Variants in GREB1 observed in about 807,000 individuals in gnomAD.
GREB1 encodes the protein protein GREB1.
In GREB1, 106 loss-of-function variants were observed where a neutral mutation model predicts 200.7. That is an observed-to-expected ratio of 0.53 (90% CI 0.45 to 0.62). The LOEUF (loss-of-function observed/expected upper bound fraction) is 0.62, where lower values mean the gene tolerates loss of function less well. GREB1 is among the 20% of genes least tolerant of loss of function. The probability of loss-of-function intolerance (pLI) is 0.00; values close to 1 mark genes in which losing one functional copy is unlikely to be tolerated. For missense variants in GREB1, 2,243 were observed against 2,556.8 expected (o/e 0.88, Z 2.65); for synonymous variants, 1,132 against 1,092.4 (o/e 1.04, Z -0.72).
chr2:11,609,371 C>T (rs1018740897), intron 17 of GREB1, among the ~76,000 whole-genome samples: 3 of 152,092 alleles, frequency 2.0e-5, no homozygotes, highest in South Asian at 2.1e-4. Context: ...TGAGTTCAAG[C>T]GATTCTCCTG....
At chr2:11,575,503 A>G (rs993776807) in intron 4 of GREB1, among the ~76,000 whole-genome samples, 3 of 152,152 alleles carry the variant, frequency 2.0e-5, no homozygotes, top group African/African-American at 7.2e-5. Context: ...CTCACAGCTG[A>G]TGGAAGCCTC....
chr2:11,562,703 C>T, intron 3 of GREB1, 121 bp downstream of exon 3: 2 of 1,233,920 alleles, frequency 1.6e-6, no homozygotes, highest in Non-Finnish European at 2.2e-6. Context: ...TTCCTCTTTG[C>T]TTTCCCTGAG....
At chr2:11,634,004 T>G in intron 28 of GREB1, 127 bp from the exon 29 acceptor site, 1 of 843,230 alleles carries the variant, frequency 1.2e-6, no homozygotes, top group Non-Finnish European at 2.0e-6. Context: ...CTGGGGGGAC[T>G]GTGCGGGGCA....
intron 10 of GREB1, 61 bp from the exon 11 acceptor site, chr2:11,592,715 C>T: frequency 1.8e-6 from 2 of 1,126,706 alleles, no homozygotes; most frequent in Non-Finnish European, 2.4e-6. Flanking sequence ...ATCACTGCAC[C>T]CGTGCGTCCC....
At chr2:11,592,023 G>A (rs1558599136) in intron 10 of GREB1, 15 of 982,580 alleles carry the variant, frequency 1.5e-5, no homozygotes, top group Non-Finnish European at 1.8e-5. Context: ...GTAGGAGAAA[G>A]CCTATATTCC....
At chr2:11,603,998 G>C (rs1182295045) in intron 17 of GREB1, among the ~76,000 whole-genome samples, 1 of 152,180 alleles carries the variant, frequency 6.6e-6, no homozygotes, top group Non-Finnish European at 1.5e-5. Context: ...AACCCTGCTT[G>C]CTTGGCTCCA....
chr2:11,627,100 A>G lies in GREB1; in HGVS notation c.4445A>G (p.Tyr1482Cys), dbSNP rs1327638441. The part of the protein sequence containing the change: ...CHQYMGFHPR[Y>C]QLYESTLHAF... ...CAGTACATGGGCTTCCACCCCCGCTACCAGGTAGGCCCCAGCAGTTCCCCA... is the reference window on the plus strand; with the variant it reads ...CAGTACATGGGCTTCCACCCCCGCTGCCAGGTAGGCCCCAGCAGTTCCCCA... The change falls in exon 25 of 33, where the codon TAC becomes TGC. Residue 1482 changes from tyrosine (Y) to cysteine (C), a missense_variant. By Grantham distance (194) the Tyr-to-Cys change is radical. This residue lies in a region of GREB1 where 587 missense variants were observed against 553.1 expected (regional missense o/e 1.06). Transcript: ENST00000381486. The G allele has an allele frequency of 6.3e-7, 1 of 1,593,730 alleles. No individual in the cohort carries two copies. Among genetic ancestry groups the G allele is most frequent in the Admixed American group, 1.7e-5 (1 of 58,060 alleles).
chr2:11,538,967 C>CT (rs1674507974), intron 1 of GREB1, among the ~76,000 whole-genome samples: 2 of 95,388 alleles, frequency 2.1e-5, no homozygotes, highest in African/African-American at 7.6e-5. Flanking sequence ...CCCTCCTCTC[C>CT]CCTCCCTTCC....
Position 11,548,581 on chromosome 2 carries a change from A to G in GREB1, c.-161-7873A>G, listed in dbSNP as rs1236211702. Among the ~76,000 whole-genome samples the G allele has an allele frequency of 3.3e-5, 5 of 152,110 alleles. No individual in the cohort carries two copies. The highest frequency in any genetic ancestry group is 9.7e-5 in the African/African-American group (4 of 41,398). ...TGATAGAACTTGTAAACTCCTTTCA[A>G]TATTATTGAACACATCAGATAATTA... On this transcript the variant is annotated intron_variant, in intron 1 of 32. Transcript: ENST00000381486. The surrounding 1 kb of genome is among the most constrained non-coding windows in gnomAD (Gnocchi z 5.1).
At chr2:11,551,732 C>A (rs1269372494) in intron 1 of GREB1, among the ~76,000 whole-genome samples, 1 of 152,150 alleles carries the variant, frequency 6.6e-6, no homozygotes, top group Non-Finnish European at 1.5e-5. Flanking sequence ...GGATTCAGCG[C>A]TCCCACCGCC....
chr2:11,539,290 A>G (rs1572619471), intron 1 of GREB1, among the ~76,000 whole-genome samples: 1 of 151,384 alleles, frequency 6.6e-6, no homozygotes, highest in African/African-American at 2.4e-5. Context: ...GGCTCAAGCA[A>G]TCCTCCCATC....
intron 15 of GREB1, among the ~76,000 whole-genome samples, chr2:11,600,190 T>C (rs1297247978): frequency 6.6e-6 from 1 of 152,152 alleles, no homozygotes; most frequent in Non-Finnish European, 1.5e-5. Context: ...TGAATATTCA[T>C]TTTGGGAATA....
intron 1 of GREB1, among the ~76,000 whole-genome samples, chr2:11,551,777 G>A (rs1239737263): frequency 5.9e-5 from 9 of 152,180 alleles, no homozygotes. Context: ...ATGGAACCAA[G>A]AAGTGGAGCA....
At chr2:11,562,641 C>A (rs1677189824) in intron 3 of GREB1, 59 bp downstream of exon 3, 12 of 1,508,800 alleles carry the variant, frequency 8.0e-6, no homozygotes, top group Non-Finnish European at 8.0e-6. Flanking sequence ...GAGGCAGTGG[C>A]CAGGCGGGTG....
intron 1 of GREB1, among the ~76,000 whole-genome samples, chr2:11,523,881 A>G (rs1673785237): frequency 6.6e-6 from 1 of 152,184 alleles, no homozygotes; most frequent in Admixed American, 6.5e-5. Context: ...GATTGGTTCA[A>G]AGTGTCTGGC....
At chr2:11,552,023 C>T (rs1011434067) in intron 1 of GREB1, among the ~76,000 whole-genome samples, 24 of 152,250 alleles carry the variant, frequency 1.6e-4, no homozygotes, top group Admixed American at 5.9e-4. Context: ...CTCTTACTGT[C>T]CGTAACGAGC....
chr2:11,519,476 G>A lies in GREB1; in HGVS notation c.-158-36981G>A, dbSNP rs553470951. Among the ~76,000 whole-genome samples, 392 of 98,770 alleles carry A rather than the reference G, an allele frequency of 4.0e-3. 2 individuals are homozygous for A. Among genetic ancestry groups the A allele is most frequent in the African/African-American group, 0.019 (375 of 19,622 alleles). The allele number at this position is 98,770 out of a possible 152,430, so 64.8% of individuals were successfully genotyped here. On this transcript the variant is annotated intron_variant, in intron 1 of 2. Coordinates refer to the GREB1 transcript ENST00000628795. The stretch of plus-strand genomic sequence containing the variant: ...TTTTTTTTTTTTTTTTTTTTTTGAG[G>A]CAGAGTTTCGCTCTTGTCGCCCAGG...
Position 11,620,938 on chromosome 2 carries a change from A to G in GREB1, c.4078A>G (p.Ser1360Gly). The change falls in exon 23 of 33, where the codon AGT becomes GGT. Residue 1360 changes from serine to glycine, a missense_variant. Transcript: ENST00000381486. ...GKTGAYLQFL[S>G]VLSRMLVRLT... ...GACAGGTGCCTACCTGCAGTTCCTC[A>G]GTGTCCTGTCCAGGATGCTTGTTCG... The G allele has an allele frequency of 1.9e-6, 3 of 1,612,728 alleles. No individual in the cohort carries two copies. Among genetic ancestry groups the G allele is most frequent in the Non-Finnish European group, 2.5e-6 (3 of 1,178,696 alleles).
Position 11,492,051 on chromosome 2 carries a change from A to G in GREB1, c.-159+9670A>G, listed in dbSNP as rs1358186029. 1.3e-5 allele frequency among the ~76,000 whole-genome samples: 2 copies of G among 152,196 alleles called. No individual in the cohort carries two copies. The highest frequency in any genetic ancestry group is 1.9e-4 in the East Asian group (1 of 5,176). On this transcript the variant is annotated intron_variant, in intron 1 of 2. Coordinates refer to the GREB1 transcript ENST00000628795. The surrounding 1 kb of genome is among the most constrained non-coding windows in gnomAD (Gnocchi z 4.0). ...TCTTGGGACAGCTGCCCTTGGTGCT[A>G]TTGATTTCACGGTCCTCTTCCCTGG...
Sources: allele counts gnomAD v4.1 joint callset (sites outside exome capture counted in the v4.1 genomes callset), GRCh38; gene constraint gnomAD v4.1.1; regional missense constraint gnomAD v4.1.1; non-coding constraint Gnocchi (gnomAD v3.1); transcripts MANE v1.5; gene names NCBI Gene and HGNC (gene_info 2026-07-23, HGNC 2026-07-21).